The following FARP1 variants were observed in gnomAD, a reference collection of about 807,000 sequenced individuals.
FARP1 encodes the protein FERM, ARHGEF and pleckstrin domain-containing protein 1.
In FARP1, 52 loss-of-function variants were observed where a neutral mutation model predicts 128.8. The observed-to-expected ratio is 0.40, with a 90% CI of 0.32 to 0.51. FARP1 has a LOEUF of 0.51. Ranked by LOEUF, FARP1 falls within the 20% of genes least tolerant of loss-of-function variation. The pLI is 0.45. For synonymous variants in FARP1, 580 were observed against 551.8 expected (o/e 1.05, Z -0.72); for missense variants, 1,333 against 1,367.9 (o/e 0.97, Z 0.40).
intron 2 of FARP1, among the ~76,000 whole-genome samples, chr13:98,282,825 C>G (rs1169334487): frequency 6.6e-6 from 1 of 152,070 alleles, no homozygotes; most frequent in Non-Finnish European, 1.5e-5. Context: ...CGCTTGAACC[C>G]AGGAGGTGAA....
rs1350320742 is a variant in FARP1, at chr13:98,454,638, C to T, written c.*6321C>T. On this transcript the variant is annotated 3_prime_UTR_variant, in exon 27 of 27. Transcript: ENST00000319562. ...AGACAGAAAGGCTCTGAAAATGCTT[C>T]AGAGGAGAGGCGGCTCTCATTTTTC... The T allele has an allele frequency of 6.6e-6, 1 of 152,220 alleles. No homozygotes were observed. Among genetic ancestry groups the T allele is most frequent in the African/African-American group, 2.4e-5 (1 of 41,454 alleles). 9.4% of individuals were successfully genotyped at this position (152,220 alleles called of 1,614,324 possible).
intron 3 of FARP1, among the ~76,000 whole-genome samples, chr13:98,347,363 T>G (rs1257027739): frequency 6.6e-6 from 1 of 152,198 alleles, no homozygotes; most frequent in Non-Finnish European, 1.5e-5. Context: ...TCTCTAGAAT[T>G]TTTTTATCTT....
intron 1 of FARP1, among the ~76,000 whole-genome samples, chr13:98,173,765 T>TG (rs1202243061): frequency 6.6e-6 from 1 of 152,168 alleles, no homozygotes; most frequent in Non-Finnish European, 1.5e-5. Flanking sequence ...GGGTGTGATG[T>TG]GGTGGGACCT....
intron 1 of FARP1, among the ~76,000 whole-genome samples, chr13:98,143,918 AGGTGGCCGCTGGCGCGGATGCCGCCG>A (rs1875290924): frequency 6.6e-6 from 1 of 151,102 alleles, no homozygotes; most frequent in South Asian, 2.1e-4. Flanking sequence ...CGGGCCGGGG[AGGTGGCCGCTGGCGCGGATGCCGCCG>A]GGTGCCCGCC....
chr13:98,336,296 G>GACAGAGT (rs533395340), intron 2 of FARP1, among the ~76,000 whole-genome samples: 258 of 152,222 alleles, frequency 1.7e-3, no homozygotes, highest in African/African-American at 6.0e-3. Flanking sequence ...CTGTCGCCCG[G>GACAGAGT]GCTGGAGTGC....
At chr13:98,333,268 A>C (rs1313248900) in intron 2 of FARP1, 2 of 152,146 alleles carry the variant, frequency 1.3e-5, no homozygotes, top group Non-Finnish European at 2.9e-5. Flanking sequence ...TAAATTTTAG[A>C]ATTTTTTATT....
chr13:98,168,045 G>T (rs948692164), intron 1 of FARP1, among the ~76,000 whole-genome samples: 8 of 152,046 alleles, frequency 5.3e-5, no homozygotes, highest in Non-Finnish European at 8.8e-5. Context: ...GGTGGCGGGT[G>T]CCTGTAGTCC....
At chr13:98,363,468 G>A (rs112059281) in intron 3 of FARP1, among the ~76,000 whole-genome samples, 2,021 of 152,292 alleles carry the variant, frequency 0.013, 46 homozygotes, top group African/African-American at 0.046. Flanking sequence ...CTTAGAGCTA[G>A]CAGGGCCCAG....
chr13:98,255,983 G>A (rs1883568894), intron 2 of FARP1, among the ~76,000 whole-genome samples: 1 of 152,168 alleles, frequency 6.6e-6, no homozygotes, highest in African/African-American at 2.4e-5. Context: ...ACCAGTAAAC[G>A]TTAAAGCAAC....
In FARP1 at chr13:98,379,019, AT is replaced by A. The variant is rs1471346048; in HGVS notation, c.496+1102del. On this transcript the variant is annotated intron_variant, in intron 6 of 26. Coordinates refer to ENST00000319562, the MANE Select transcript of FARP1 (RefSeq NM_005766.4). ...ATAATATATACAATATATAATCTAT[AT>A]ATAATATATATAATATATACAATAT... 1.3e-4 allele frequency among the ~76,000 whole-genome samples: 11 copies of A among 87,886 alleles called. 2 individuals carry two copies. The highest frequency in any genetic ancestry group is 7.7e-4 in the African/African-American group (11 of 14,204). 57.7% of individuals were successfully genotyped at this position (87,886 alleles called of 152,430 possible).
intron 2 of FARP1, among the ~76,000 whole-genome samples, chr13:98,247,964 T>G (rs1432945029): frequency 3.3e-5 from 5 of 151,276 alleles, no homozygotes; most frequent in Admixed American, 3.3e-4. Flanking sequence ...CTCAGAAGAG[T>G]CGCAGATTCC....
intron 1 of FARP1, among the ~76,000 whole-genome samples, chr13:98,146,762 G>T (rs72653383): frequency 6.6e-6 from 1 of 152,300 alleles, no homozygotes; most frequent in East Asian, 1.9e-4. Flanking sequence ...GGGAAGGGAG[G>T]CTGTGGGGTT....
intron 2 of FARP1, among the ~76,000 whole-genome samples, chr13:98,296,516 C>CG (rs998479454): frequency 1.3e-5 from 2 of 150,964 alleles, no homozygotes; most frequent in African/African-American, 2.4e-5. Flanking sequence ...AGACAGGGAC[C>CG]CCCCGCTCTT....
intron 2 of FARP1, among the ~76,000 whole-genome samples, chr13:98,254,301 T>C (rs1485055787): frequency 1.3e-5 from 2 of 152,252 alleles, no homozygotes; most frequent in Non-Finnish European, 2.9e-5. Flanking sequence ...AGCTCCGCTC[T>C]TAAAAACTAT....
At chr13:98,284,379 C>T (rs1885071147) in intron 2 of FARP1, among the ~76,000 whole-genome samples, 1 of 152,128 alleles carries the variant, frequency 6.6e-6, no homozygotes, top group Non-Finnish European at 1.5e-5. Context: ...CCATAACTTG[C>T]CCTTCCTATG....
chr13:98,153,855 G>C (rs1198763739), intron 1 of FARP1, among the ~76,000 whole-genome samples: 1 of 152,016 alleles, frequency 6.6e-6, no homozygotes, highest in Non-Finnish European at 1.5e-5. Context: ...GAGCCACCAT[G>C]CCTGTCCTTT....
intron 1 of FARP1, among the ~76,000 whole-genome samples, chr13:98,161,750 C>A (rs1159914811): frequency 1.3e-5 from 2 of 151,766 alleles, no homozygotes; most frequent in Non-Finnish European, 2.9e-5. Flanking sequence ...TCTTTCCTTC[C>A]CTCCCTCCCT....
intron 1 of FARP1, among the ~76,000 whole-genome samples, chr13:98,190,339 C>T (rs1253789440): frequency 6.6e-6 from 1 of 152,172 alleles, no homozygotes. Flanking sequence ...GAGAACTTCC[C>T]TTTTTCTCAG....
At chr13:98,404,419 A>G (rs1233448626) in intron 13 of FARP1, 1 of 152,198 alleles carries the variant, frequency 6.6e-6, no homozygotes, top group East Asian at 1.9e-4. Context: ...GCCCCAACTT[A>G]GATATCAGAC....
Sources: allele counts gnomAD v4.1 joint callset (sites outside exome capture counted in the v4.1 genomes callset), GRCh38; gene constraint gnomAD v4.1.1; transcripts MANE v1.5; gene names NCBI Gene and HGNC (gene_info 2026-07-23, HGNC 2026-07-21).